Variants in BANK1 observed in about 807,000 individuals in gnomAD.
The protein encoded by BANK1 is B cell scaffold protein with ankyrin repeats 1, also known as B-cell scaffold protein with ankyrin repeats.
A neutral mutation model predicts 94.5 loss-of-function variants in BANK1; 95 were observed. The ratio of observed to expected loss-of-function variants is 1.00; its 90% CI spans 0.85 to 1.19. BANK1 has a LOEUF of 1.19. BANK1 is among the 50% of genes most tolerant of loss of function. The probability of loss-of-function intolerance (pLI) is 0.00; values close to 1 mark genes in which losing one functional copy is unlikely to be tolerated. For synonymous variants in BANK1, 334 were observed against 308.4 expected, an observed-to-expected ratio of 1.08 and a Z score of -0.87; for missense variants, 987 against 932.2, an observed-to-expected ratio of 1.06 and a Z score of -0.77.
chr4:102,033,347 T>C (rs537895428), intron 10 of BANK1, among the ~76,000 whole-genome samples: 51 of 152,356 alleles, frequency 3.3e-4, no homozygotes, highest in African/African-American at 1.2e-3. Flanking sequence ...TGGTTTAGGC[T>C]TTCAACCCAT....
intron 1 of BANK1, among the ~76,000 whole-genome samples, chr4:101,817,939 G>A (rs551924484): frequency 1.2e-4 from 18 of 151,752 alleles, no homozygotes; most frequent in African/African-American, 3.9e-4. Flanking sequence ...TCAAAAGATT[G>A]GATACCCCTG....
In BANK1 at chr4:101,810,426, G is replaced by A. The variant is rs181389318; in HGVS notation, c.71-19382G>A. On this transcript the variant is annotated intron_variant, in intron 1 of 16. Transcript: ENST00000322953. The stretch of plus-strand genomic sequence containing the variant: ...ATAAATACTGCAGATAGGACCTTCC[G>A]CATCAGGCATTTATACACCATCAGT... Among the ~76,000 whole-genome samples the A allele has an allele frequency of 1.0e-3, 157 of 152,162 alleles. 2 individuals are homozygous for A. Among genetic ancestry groups the A allele is most frequent in the Admixed American group, 8.2e-3 (125 of 15,282 alleles).
rs1160165301 is a variant in BANK1, at chr4:101,950,058, TGTGC to T, written c.1206+31871_1206+31874del. Among the ~76,000 whole-genome samples the T allele has an allele frequency of 6.6e-5, 9 of 137,066 alleles. No individual in the cohort carries two copies. The East Asian group carries it at 8.5e-4, about 13-fold the overall frequency. 89.9% of individuals were successfully genotyped at this position (137,066 alleles called of 152,430 possible). On this transcript the variant is annotated intron_variant, in intron 7 of 16. Transcript: ENST00000322953. ...GTGTGTGTGTGTGTGTGTGTGTGTGTGTGCGCGTGCGCGCGCATGTGCCTACACA... is the reference window on the plus strand; with the variant it reads ...GTGTGTGTGTGTGTGTGTGTGTGTGTGCGTGCGCGCGCATGTGCCTACACA...
intron 13 of BANK1, among the ~76,000 whole-genome samples, chr4:102,068,189 C>G (rs1728651102): frequency 6.6e-6 from 1 of 151,828 alleles, no homozygotes; most frequent in South Asian, 2.1e-4. Flanking sequence ...GTTAACAGTT[C>G]TAACTAAAGG....
chr4:101,980,124 T>C (rs1382849704), intron 7 of BANK1, among the ~76,000 whole-genome samples: 1 of 151,844 alleles, frequency 6.6e-6, no homozygotes, highest in African/African-American at 2.4e-5. Flanking sequence ...AGTTTCTTCT[T>C]GTGAAGAAAT....
chr4:101,791,078 C>A, intron 1 of BANK1, 128 bp downstream of exon 1: 2 of 767,852 alleles, frequency 2.6e-6, no homozygotes, highest in Non-Finnish European at 3.9e-6. Flanking sequence ...GACAGGGCTT[C>A]TCCTTTTTAT....
intron 1 of BANK1, among the ~76,000 whole-genome samples, chr4:101,826,108 G>C (rs7698632): frequency 0.49 from 73,613 of 151,772 alleles, 19,436 homozygotes; most frequent in African/African-American, 0.7. Flanking sequence ...TTACTCTACT[G>C]TTAGAGTACA....
chr4:101,889,604 CAA>C (rs59341810), intron 5 of BANK1, among the ~76,000 whole-genome samples: 41 of 54,918 alleles, frequency 7.5e-4, no homozygotes, highest in African/African-American at 2.1e-3. Context: ...GACTCCGTCT[CAA>C]AAAAAAAAAA....
chr4:102,009,052 C>T (rs1387117177), intron 7 of BANK1, among the ~76,000 whole-genome samples: 1 of 152,236 alleles, frequency 6.6e-6, no homozygotes, highest in Non-Finnish European at 1.5e-5. Flanking sequence ...TAATGTCTTA[C>T]TTGTGCTTTC....
intron 5 of BANK1, among the ~76,000 whole-genome samples, chr4:101,872,746 G>C (rs189943539): frequency 3.3e-5 from 5 of 152,184 alleles, no homozygotes; most frequent in African/African-American, 1.2e-4. Flanking sequence ...CAGTACTTTA[G>C]GAGTTCGAGG....
At position 102,006,137 on chromosome 4, in the gene BANK1, T is replaced by C. The variant is rs554055602; in HGVS notation, c.1207-15377T>C. On this transcript the variant is annotated intron_variant, in intron 7 of 16. Transcript: ENST00000322953. ...TATCTAATCTATGCCAAGAACTAGT[T>C]CATCTAATCCTTGAAACAACCCAAA... is the stretch of plus-strand genomic sequence containing the variant. 5.9e-5 allele frequency among the ~76,000 whole-genome samples: 9 copies of C among 152,124 alleles called. No individual in the cohort carries two copies. The South Asian group carries it at 1.9e-3, about 32-fold the overall frequency.
intron 1 of BANK1, among the ~76,000 whole-genome samples, chr4:101,796,095 G>A (rs551208574): frequency 6.6e-6 from 1 of 152,332 alleles, no homozygotes; most frequent in Non-Finnish European, 1.5e-5. Flanking sequence ...GGAAGATCCA[G>A]TATACAGTTT....
At chr4:101,984,762 C>G (rs1725428228) in intron 7 of BANK1, among the ~76,000 whole-genome samples, 1 of 151,916 alleles carries the variant, frequency 6.6e-6, no homozygotes, top group Non-Finnish European at 1.5e-5. Context: ...AAAAGAAAAC[C>G]ATCATCCTAG....
intron 1 of BANK1, among the ~76,000 whole-genome samples, chr4:101,818,915 A>G (rs2058734249): frequency 6.7e-6 from 1 of 149,444 alleles, no homozygotes; most frequent in African/African-American, 2.5e-5. Context: ...ATGGGATTCG[A>G]CAGTTTCAGA....
intron 1 of BANK1, among the ~76,000 whole-genome samples, chr4:101,804,894 C>T (rs1306712040): frequency 6.6e-6 from 1 of 152,084 alleles, no homozygotes; most frequent in Non-Finnish European, 1.5e-5. Flanking sequence ...GGTCATTGTC[C>T]CAACCCCTGC....
intron 11 of BANK1, among the ~76,000 whole-genome samples, chr4:102,049,493 A>AATC (rs1293660324): frequency 6.6e-6 from 1 of 152,118 alleles, no homozygotes; most frequent in African/African-American, 2.4e-5. Flanking sequence ...GCCTCCCTGT[A>AATC]ATCATAGATT....
Position 102,025,433 on chromosome 4 carries a change from C to G in BANK1, c.1518C>G (p.Ser506Arg). The G allele has an allele frequency of 6.2e-7, 1 of 1,614,094 alleles. No individual in the cohort carries two copies. Among genetic ancestry groups the G allele is most frequent in the African/African-American group, 1.3e-5 (1 of 75,012 alleles). ...PENNSQEPLM[S>R]SRPPLPPPRP... is the part of the protein sequence containing the mutation. ...ATAATTCACAAGAGCCACTCATGAG[C>G]AGCAGACCTCCTCTCCCCCCGCCGC... The change falls in exon 9 of 17, where the codon AGC (serine) becomes AGG (arginine). Residue 506 changes from serine to arginine, a missense_variant. Physicochemically the swap from Ser to Arg is moderately radical, Grantham distance 110. Coordinates refer to ENST00000322953, the MANE Select transcript of BANK1 (RefSeq NM_017935.5).
At chr4:102,056,600 T>G (rs181786564) in intron 11 of BANK1, among the ~76,000 whole-genome samples, 25 of 151,934 alleles carry the variant, frequency 1.6e-4, no homozygotes, top group Admixed American at 1.5e-3. Context: ...TTACGATACC[T>G]GTTTCTGAAG....
chr4:101,885,782 G>A (rs1401133218), intron 5 of BANK1, among the ~76,000 whole-genome samples: 2 of 152,184 alleles, frequency 1.3e-5, no homozygotes, highest in African/African-American at 2.4e-5. Flanking sequence ...TTTCATCATT[G>A]TGCAAACACC....
Sources: allele counts gnomAD v4.1 joint callset (sites outside exome capture counted in the v4.1 genomes callset), GRCh38; gene constraint gnomAD v4.1.1; transcripts MANE v1.5; gene names NCBI Gene and HGNC (gene_info 2026-07-23, HGNC 2026-07-21).